The following HMCN2 variants were observed in gnomAD, a reference collection of about 807,000 sequenced individuals.
HMCN2 encodes hemicentin-2.
A neutral mutation model predicts 377.5 loss-of-function variants in HMCN2; 325 were observed. The ratio of observed to expected loss-of-function variants is 0.86; its 90% CI spans 0.79 to 0.94. The LOEUF (loss-of-function observed/expected upper bound fraction) is 0.94. Among genes scored for constraint, HMCN2 ranks in the 40% least tolerant of loss-of-function variants. The probability of loss-of-function intolerance (pLI) is 0.00; values close to 1 mark genes in which losing one functional copy is unlikely to be tolerated. For missense variants in HMCN2, 4,543 were observed against 4,725.3 expected, an observed-to-expected ratio of 0.96 and a Z score of 1.13; for synonymous variants, 2,007 against 2,046.8, an observed-to-expected ratio of 0.98 and a Z score of 0.53.
chr9:130,376,744 C>G (rs1841403371), intron 52 of HMCN2, 86 bp downstream of exon 52: 1 of 808,812 alleles, frequency 1.2e-6, no homozygotes, highest in African/African-American at 1.9e-5. Context: ...AAAGGCTTCC[C>G]TTAAAGCACC....
chr9:130,408,758 A>G lies in HMCN2; in HGVS notation c.12704A>G (p.Gln4235Arg). Residue 4235 changes from glutamine (Q) to arginine (R), a missense_variant, in exon 84 of 98, where the codon CAA becomes CGA. This residue lies in a region of HMCN2 where 1,073 missense variants were observed against 1,319.5 expected (regional missense o/e 0.81). Coordinates refer to ENST00000683500, the MANE Select transcript of HMCN2 (RefSeq NM_001291815.2). ...FVHVKEAPVL[Q>R]GEAFSYLVEP... is the part of the protein sequence containing the mutation. ...CCCCATGCAGAGGCTCCTGTCCTAC[A>G]AGGGGAGGCTTTCTCCTACCTGGTG... The G allele has an allele frequency of 7.8e-7, 1 of 1,289,190 alleles. No individual in the cohort carries two copies. The highest frequency in any genetic ancestry group is 1.0e-6 in the Non-Finnish European group (1 of 988,500). 79.9% of individuals were successfully genotyped at this position (1,289,190 alleles called of 1,614,324 possible).
intron 5 of HMCN2, among the ~76,000 whole-genome samples, 198 bp from the exon 6 acceptor site, chr9:130,295,468 G>A (rs1385969187): frequency 2.0e-5 from 3 of 152,026 alleles, no homozygotes; most frequent in Non-Finnish European, 2.9e-5. Context: ...TCTAGAGGCC[G>A]GGCACACAGT....
rs532886919 is a variant in HMCN2, at chr9:130,387,697, C to T, written c.9392-712C>T. Among the ~76,000 whole-genome samples the T allele has an allele frequency of 5.3e-5, 8 of 152,294 alleles. No homozygotes were observed. In the East Asian group the frequency reaches 7.7e-4, roughly 15 times the overall value. On this transcript the variant is annotated intron_variant, in intron 61 of 97. Coordinates refer to ENST00000683500, the MANE Select transcript of HMCN2 (RefSeq NM_001291815.2). ...GGGCTGAGGGGACACCAGCCATCTGCCACAGATGCCAAAGCCAGTAGCCTC... is the reference window on the plus strand; with the variant it reads ...GGGCTGAGGGGACACCAGCCATCTGTCACAGATGCCAAAGCCAGTAGCCTC...
At chr9:130,356,962 G>GTGGA (rs1180778566) in intron 34 of HMCN2, among the ~76,000 whole-genome samples, 1 of 151,438 alleles carries the variant, frequency 6.6e-6, no homozygotes, top group Admixed American at 6.6e-5. Context: ...AGATAGAAGG[G>GTGGA]TGGATGGATG....
chr9:130,278,345 T>C (rs903877274), intron 1 of HMCN2, among the ~76,000 whole-genome samples: 2 of 152,086 alleles, frequency 1.3e-5, no homozygotes, highest in South Asian at 2.1e-4. Flanking sequence ...AGGTTGGTCT[T>C]GATCTCCTGA....
intron 92 of HMCN2, 22 bp downstream of exon 92, chr9:130,427,641 G>C: frequency 6.5e-7 from 1 of 1,544,874 alleles, no homozygotes; most frequent in Non-Finnish European, 8.7e-7. Context: ...GCCGGGAGGA[G>C]GGAGGAGACG....
intron 1 of HMCN2, among the ~76,000 whole-genome samples, chr9:130,267,773 A>G (rs1006614297): frequency 1.3e-5 from 2 of 152,216 alleles, no homozygotes; most frequent in African/African-American, 4.8e-5. Flanking sequence ...AAAGATTTCT[A>G]GGAACATCAG....
At chr9:130,324,474 A>T (rs1323912307) in intron 19 of HMCN2, among the ~76,000 whole-genome samples, 1 of 151,992 alleles carries the variant, frequency 6.6e-6, no homozygotes, top group African/African-American at 2.4e-5. Context: ...TTCACTGTCA[A>T]CATCCCCCAC....
At chr9:130,317,467 ATCTCTC>A (rs1177875902) in intron 15 of HMCN2, among the ~76,000 whole-genome samples, 62,974 of 123,166 alleles carry the variant, frequency 0.51, 17,336 homozygotes, top group Non-Finnish European at 0.65. Flanking sequence ...AGACCCCACC[ATCTCTC>A]TCTCTCTCTC....
At chr9:130,335,423 G>T (rs1261346093) in intron 22 of HMCN2, among the ~76,000 whole-genome samples, 3 of 152,284 alleles carry the variant, frequency 2.0e-5, no homozygotes, top group African/African-American at 7.2e-5. Flanking sequence ...CCATTGCCAG[G>T]ACACATACAT....
intron 54 of HMCN2, among the ~76,000 whole-genome samples, chr9:130,379,978 T>C (rs1841617529): frequency 6.6e-6 from 1 of 152,132 alleles, no homozygotes; most frequent in African/African-American, 2.4e-5. Flanking sequence ...TGGGTTCAAG[T>C]GATTCTCCTG....
rs1554935896 is a variant in HMCN2, at chr9:130,304,726, G to A, written c.1544-4G>A. The stretch of plus-strand genomic sequence containing the variant: ...TGGTTCCTCCTGTGCTCATGTCCCT[G>A]CAGACCCCCCGCCGCAGCTGGTCCC... On this transcript the variant is annotated splice_region_variant and splice_polypyrimidine_tract_variant and intron_variant, in intron 10 of 97. Coordinates refer to ENST00000683500, the MANE Select transcript of HMCN2 (RefSeq NM_001291815.2). This position sits in a 1 kb window ranked among gnomAD's most constrained non-coding sequence, Gnocchi z 4.3. 2.2e-6 allele frequency: 1 copy of A among 460,960 alleles called. No individual in the cohort carries two copies. Among genetic ancestry groups the A allele is most frequent in the Admixed American group, 2.4e-5 (1 of 42,338 alleles). 28.6% of individuals were successfully genotyped at this position (460,960 alleles called of 1,614,324 possible).
intron 23 of HMCN2, among the ~76,000 whole-genome samples, chr9:130,340,201 C>A (rs1159626430): frequency 6.6e-6 from 1 of 152,252 alleles, no homozygotes; most frequent in Non-Finnish European, 1.5e-5. Flanking sequence ...GAACGGGAAG[C>A]CACAGCCAGG....
intron 15 of HMCN2, among the ~76,000 whole-genome samples, chr9:130,312,083 C>T (rs953640193): frequency 6.6e-5 from 10 of 152,132 alleles, no homozygotes; most frequent in African/African-American, 2.4e-4. Flanking sequence ...ATCATCATCC[C>T]CTTTACAGAT....
intron 53 of HMCN2, among the ~76,000 whole-genome samples, chr9:130,378,132 C>G (rs1841491868): frequency 6.6e-6 from 1 of 152,042 alleles, no homozygotes. Flanking sequence ...TTCAGAATCT[C>G]TGGTCGAGAG....
intron 4 of HMCN2, among the ~76,000 whole-genome samples, chr9:130,292,578 C>G (rs1279675439): frequency 2.6e-5 from 4 of 152,182 alleles, no homozygotes; most frequent in Non-Finnish European, 5.9e-5. Context: ...GCAAGGGAGG[C>G]TTTACTGTTT....
rs1841339368 is a variant in HMCN2 at position 130,375,709 on chromosome 9, G to A, written c.7777G>A (p.Ala2593Thr). The A allele has an allele frequency of 1.0e-6, 1 of 985,814 alleles. No individual in the cohort carries two copies. The highest frequency in any genetic ancestry group is 6.1e-5 in the Admixed American group (1 of 16,270). 61.1% of individuals were successfully genotyped at this position (985,814 alleles called of 1,614,324 possible). Residue 2593 changes from alanine to threonine, a missense_variant, in exon 50 of 98, where the codon GCC (alanine) becomes ACC (threonine). By Grantham distance (58) the Ala-to-Thr change is moderately conservative. This residue lies in a region of HMCN2 where 736 missense variants were observed against 773.2 expected (regional missense o/e 0.95). Coordinates refer to ENST00000683500, the MANE Select transcript of HMCN2 (RefSeq NM_001291815.2). ...TWMKDGAPFE[A>T]SRNIQLLPGT... ...GATGAAGGACGGGGCCCCGTTTGAG[G>A]CCTCCAGGAACATCCAGCTGCTCCC...
intron 60 of HMCN2, among the ~76,000 whole-genome samples, chr9:130,386,172 A>G (rs1842012385): frequency 6.6e-6 from 1 of 152,090 alleles, no homozygotes; most frequent in Admixed American, 6.5e-5. Flanking sequence ...GCCAGGCTCC[A>G]TCCCCACAGC....
Position 130,396,179 on chromosome 9 carries a change from C to T in HMCN2, c.11064C>T (p.Thr3688=). 1.6e-6 allele frequency: 2 copies of T among 1,273,682 alleles called. No homozygotes were observed. Among genetic ancestry groups the T allele is most frequent in the South Asian group, 2.5e-5 (2 of 80,588 alleles). The allele number at this position is 1,273,682 out of a possible 1,614,324, so 78.9% of individuals were successfully genotyped here. ...TGTGCCCCTCCCCAGCGGTGCCCAC[C>T]ATCCGGTCAGGACCACCTGCAGTGA... ...AFRVEIHTVP[T]IRSGPPAVNV... Residue 3688 remains threonine, a synonymous_variant, in exon 73 of 98, where the codon ACC becomes ACT. Coordinates refer to ENST00000683500, the MANE Select transcript of HMCN2 (RefSeq NM_001291815.2).
Sources: gnomAD v4.1 joint callset for allele counts (sites outside exome capture counted in the v4.1 genomes callset) on GRCh38, gnomAD v4.1.1 for gene constraint, gnomAD v4.1.1 regional missense constraint, Gnocchi (gnomAD v3.1) non-coding constraint, MANE v1.5 for transcripts, NCBI Gene and HGNC (gene_info 2026-07-23, HGNC 2026-07-21) for gene names.